GRXCR1: variants seen among roughly 807,000 people sequenced by gnomAD.
GRXCR1 encodes the protein glutaredoxin and cysteine rich domain containing 1.
Under a neutral mutation model 27.3 loss-of-function variants are expected in GRXCR1, and 27 were observed. That is an observed-to-expected ratio of 0.99 (90% CI 0.73 to 1.37). The LOEUF (loss-of-function observed/expected upper bound fraction) is 1.37, where lower values mean the gene tolerates loss of function less well. Ranked by LOEUF, GRXCR1 falls within the 40% of genes most tolerant of loss-of-function variation. GRXCR1 has a pLI of 0.00. For missense variants in GRXCR1, 379 were observed against 354.4 expected, an observed-to-expected ratio of 1.07 and a Z score of -0.56; for synonymous variants, 122 against 131.1, an observed-to-expected ratio of 0.93 and a Z score of 0.47.
rs1711663274 is a variant in GRXCR1 at position 42,985,067 on chromosome 4, G to A, written c.627+21933G>A. Among the ~76,000 whole-genome samples the A allele has an allele frequency of 2.6e-5, 4 of 152,276 alleles. No homozygotes were observed. In the South Asian group the frequency reaches 8.3e-4, roughly 32 times the overall value. The stretch of plus-strand genomic sequence containing the variant: ...AGCACTCTGTTGGCTGGGGTTCAAG[G>A]AGGGGTGACATGGATAATATAAACT... On this transcript the variant is annotated intron_variant, in intron 2 of 3. Coordinates refer to ENST00000399770, the MANE Select transcript of GRXCR1 (RefSeq NM_001080476.3).
At chr4:42,936,971 A>G (rs1165926031) in intron 1 of GRXCR1, among the ~76,000 whole-genome samples, 1 of 151,738 alleles carries the variant, frequency 6.6e-6, no homozygotes, top group Non-Finnish European at 1.5e-5. Flanking sequence ...CTTTTTCCCT[A>G]CTTTCCACAC....
intron 3 of GRXCR1, among the ~76,000 whole-genome samples, chr4:43,024,660 C>T (rs1478484642): frequency 6.6e-6 from 1 of 152,172 alleles, no homozygotes; most frequent in Non-Finnish European, 1.5e-5. Flanking sequence ...GCTTCTTTCT[C>T]AACTCTGCAA....
In GRXCR1 at chr4:42,990,173, C is replaced by CTTTTTTTTTTTTTTT. The variant is rs745784596; in HGVS notation, c.627+27061_627+27075dup. ...AACTTCTTGAATTGAATTATTAGTT[C>CTTTTTTTTTTTTTTT]TTTTTTTTTTTTTTTTTTTTTTTTT... is the stretch of plus-strand genomic sequence containing the variant. On this transcript the variant is annotated intron_variant, in intron 2 of 3. Transcript: ENST00000399770. 5.6e-4 allele frequency among the ~76,000 whole-genome samples: 26 copies of CTTTTTTTTTTTTTTT among 46,230 alleles called. 10 individuals carry two copies. Among genetic ancestry groups the CTTTTTTTTTTTTTTT allele is most frequent in the South Asian group, 1.1e-3 (1 of 898 alleles). The allele number at this position is 46,230 out of a possible 152,430, so 30.3% of individuals were successfully genotyped here.
chr4:42,932,156 G>A (rs968743327), intron 1 of GRXCR1, among the ~76,000 whole-genome samples: 1 of 151,860 alleles, frequency 6.6e-6, no homozygotes, highest in Non-Finnish European at 1.5e-5. Flanking sequence ...ATATCAGGCT[G>A]TAGAATGTAT....
At chr4:43,025,054 A>C (rs1437530015) in intron 3 of GRXCR1, among the ~76,000 whole-genome samples, 3 of 152,180 alleles carry the variant, frequency 2.0e-5, no homozygotes, top group Non-Finnish European at 4.4e-5. Context: ...AGAAGACATG[A>C]AGACTCTTGA....
intron 2 of GRXCR1, among the ~76,000 whole-genome samples, chr4:42,993,358 A>T (rs1712035278): frequency 6.6e-6 from 1 of 152,050 alleles, no homozygotes; most frequent in Admixed American, 6.6e-5. Context: ...GTAAAATATA[A>T]TGAAGAACTA....
chr4:42,904,994 C>T (rs572289098), intron 1 of GRXCR1, among the ~76,000 whole-genome samples: 5 of 152,250 alleles, frequency 3.3e-5, no homozygotes, highest in East Asian at 1.9e-4. Flanking sequence ...TGGGCCACTC[C>T]GTAAAAGGCA....
At chr4:42,968,710 G>A (rs1027647077) in intron 2 of GRXCR1, among the ~76,000 whole-genome samples, 1 of 151,374 alleles carries the variant, frequency 6.6e-6, no homozygotes, top group Non-Finnish European at 1.5e-5. Context: ...ATTCAGAAAT[G>A]GAATAAAAAA....
chr4:42,999,298 A>G (rs972855869), intron 2 of GRXCR1, among the ~76,000 whole-genome samples: 1 of 152,222 alleles, frequency 6.6e-6, no homozygotes, highest in Non-Finnish European at 1.5e-5. Context: ...AATTTACTCA[A>G]TGCTCAGAGT....
intron 1 of GRXCR1, among the ~76,000 whole-genome samples, chr4:42,947,165 C>T (rs1010734634): frequency 6.6e-6 from 1 of 152,014 alleles, no homozygotes; most frequent in African/African-American, 2.4e-5. Flanking sequence ...GCTTCAACAG[C>T]CTTCAGTTAG....
At chr4:43,008,814 T>G (rs542910319) in intron 2 of GRXCR1, among the ~76,000 whole-genome samples, 1 of 152,340 alleles carries the variant, frequency 6.6e-6, no homozygotes, top group East Asian at 1.9e-4. Context: ...ACTTTTATAT[T>G]TTTGTGTTTG....
chr4:42,945,443 C>G (rs560546411), intron 1 of GRXCR1, among the ~76,000 whole-genome samples: 78 of 152,122 alleles, frequency 5.1e-4, no homozygotes, highest in East Asian at 1.4e-3. Flanking sequence ...TTTTTCCTTT[C>G]TGCTTCTTCT....
At chr4:42,924,652 G>A (rs1202085233) in intron 1 of GRXCR1, among the ~76,000 whole-genome samples, 1 of 152,052 alleles carries the variant, frequency 6.6e-6, no homozygotes, top group Non-Finnish European at 1.5e-5. Flanking sequence ...TGGGTGCTGT[G>A]TATACAGCAG....
intron 1 of GRXCR1, among the ~76,000 whole-genome samples, chr4:42,914,051 C>T (rs1746829100): frequency 6.6e-6 from 1 of 152,172 alleles, no homozygotes; most frequent in African/African-American, 2.4e-5. Flanking sequence ...AAGTTTGCTA[C>T]AGGTGCAGAG....
intron 1 of GRXCR1, among the ~76,000 whole-genome samples, chr4:42,945,309 G>T (rs1004610249): frequency 3.3e-5 from 5 of 152,028 alleles, no homozygotes; most frequent in Non-Finnish European, 2.9e-5. Flanking sequence ...TGACAGAAAT[G>T]TAAAAAAACC....
intron 2 of GRXCR1, among the ~76,000 whole-genome samples, chr4:42,999,200 G>C (rs1205329075): frequency 3.3e-5 from 5 of 152,206 alleles, no homozygotes; most frequent in Non-Finnish European, 5.9e-5. Context: ...TGTATAGTCT[G>C]TGTCCTGCAC....
At chr4:42,902,486 T>A (rs898980419) in intron 1 of GRXCR1, among the ~76,000 whole-genome samples, 21 of 152,174 alleles carry the variant, frequency 1.4e-4, no homozygotes, top group Admixed American at 1.4e-3. Flanking sequence ...CTGCATAGTA[T>A]TCCATGGTGT....
intron 1 of GRXCR1, among the ~76,000 whole-genome samples, chr4:42,908,575 C>A (rs946542497): frequency 6.6e-6 from 1 of 152,186 alleles, no homozygotes; most frequent in Non-Finnish European, 1.5e-5. Flanking sequence ...CAAAGTCCTT[C>A]TATTTGTTAG....
chr4:42,918,401 T>C (rs1055987077), intron 1 of GRXCR1, among the ~76,000 whole-genome samples: 7 of 152,086 alleles, frequency 4.6e-5, no homozygotes, highest in Non-Finnish European at 8.8e-5. Flanking sequence ...ATTCAAACCA[T>C]AAAGTTTGGC....
Sources: allele counts gnomAD v4.1 joint callset (sites outside exome capture counted in the v4.1 genomes callset), GRCh38; gene constraint gnomAD v4.1.1; transcripts MANE v1.5; gene names NCBI Gene and HGNC (gene_info 2026-07-23, HGNC 2026-07-21).